Variants in HDAC8 observed in about 807,000 individuals in gnomAD.
HDAC8 encodes histone deacetylase-like 1.
In HDAC8, 1 loss-of-function variant was observed where a neutral mutation model predicts 32.2. The ratio of observed to expected loss-of-function variants is 0.03; its 90% CI spans 0.01 to 0.15. The LOEUF (loss-of-function observed/expected upper bound fraction) is 0.15, where lower values mean the gene tolerates loss of function less well. HDAC8 is among the 10% of genes least tolerant of loss of function. HDAC8 has a pLI of 1.00. For missense variants in HDAC8, 117 were observed against 300.0 expected, an observed-to-expected ratio of 0.39 and a Z score of 4.51; for synonymous variants, 108 against 113.9, an observed-to-expected ratio of 0.95 and a Z score of 0.33.
chrX:72,382,949 C>A (rs920567239), intron 9 of HDAC8, among the ~76,000 whole-genome samples: 13 of 111,928 alleles, frequency 1.2e-4, no homozygotes, highest in African/African-American at 4.2e-4. Flanking sequence ...TTTTCCCTCT[C>A]CCCCTAAAAA....
intron 9 of HDAC8, among the ~76,000 whole-genome samples, chrX:72,442,351 A>G (rs1273634630): frequency 4.5e-5 from 5 of 111,909 alleles, no homozygotes; most frequent in African/African-American, 1.6e-4. Context: ...CAGAAACTCT[A>G]CAAGCCAGAA....
chrX:72,392,267 ACC>A (rs2045631637), intron 9 of HDAC8, among the ~76,000 whole-genome samples: 2 of 111,493 alleles, frequency 1.8e-5, no homozygotes, highest in African/African-American at 6.5e-5. Flanking sequence ...TAAACCATCC[ACC>A]CCTGCCAGCT....
chrX:72,482,612 G>A (rs868991051), intron 7 of HDAC8, among the ~76,000 whole-genome samples: 2 of 109,400 alleles, frequency 1.8e-5, no homozygotes, highest in Non-Finnish European at 3.8e-5. Flanking sequence ...TGGGGGGGGG[G>A]ATTTTCTGCA....
At chrX:72,358,829 ATTAG>A (rs2044449982) in intron 9 of HDAC8, among the ~76,000 whole-genome samples, 1 of 111,755 alleles carries the variant, frequency 8.9e-6, no homozygotes, top group Non-Finnish European at 1.9e-5. Flanking sequence ...ATCATTAGGC[ATTAG>A]TTAGATTTTC....
In HDAC8 at chrX:72,329,665, A is replaced by T; in HGVS notation, c.*389T>A. The T allele has an allele frequency of 8.4e-7, 1 of 1,186,675 alleles. No individual in the cohort carries two copies. The highest frequency in any genetic ancestry group is 1.1e-6 in the Non-Finnish European group (1 of 882,522). ...TCCTGAGGCCCAAACCCTGCCTGTC[A>T]GCTGCCTCCTGCCCTACAAACTGGT... On this transcript the variant is annotated 3_prime_UTR_variant, in exon 11 of 11. Transcript: ENST00000373573.
chrX:72,407,685 G>A, intron 9 of HDAC8, among the ~76,000 whole-genome samples: 1 of 111,826 alleles, frequency 8.9e-6, no homozygotes, highest in Non-Finnish European at 1.9e-5. Flanking sequence ...CCTCTAAAAG[G>A]CAAGGAAATA....
chrX:72,333,191 C>T (rs782811248), intron 10 of HDAC8, among the ~76,000 whole-genome samples: 18 of 111,556 alleles, frequency 1.6e-4, no homozygotes, highest in East Asian at 1.1e-3. Context: ...TCTTAGTTCA[C>T]GCCTTCTCCA....
chrX:72,448,403 C>T (rs1309950428), intron 9 of HDAC8, among the ~76,000 whole-genome samples: 5 of 111,821 alleles, frequency 4.5e-5, no homozygotes, highest in African/African-American at 1.6e-4. Flanking sequence ...GAAACTGGAC[C>T]CCTTTGTTAC....
At chrX:72,449,265 T>A (rs2047507310) in intron 9 of HDAC8, among the ~76,000 whole-genome samples, 1 of 111,496 alleles carries the variant, frequency 9.0e-6, no homozygotes, top group East Asian at 2.8e-4. Context: ...AAGGATGAGT[T>A]CATGTCCTTT....
chrX:72,561,732 G>A (rs1380547997), intron 4 of HDAC8, among the ~76,000 whole-genome samples: 1 of 112,237 alleles, frequency 8.9e-6, no homozygotes, highest in Non-Finnish European at 1.9e-5. Context: ...GAAATAATCA[G>A]CAGAGTTAAC....
chrX:72,488,088 G>A lies in HDAC8; in HGVS notation c.737+845C>T, dbSNP rs187848107. Reference sequence around the variant, plus strand: ...CTAAGAAGCACTTTTGAAGCATAAAGTTTTTATTTTTTAATAGTTCTGCTT... The same window carrying A: ...CTAAGAAGCACTTTTGAAGCATAAAATTTTTATTTTTTAATAGTTCTGCTT... On this transcript the variant is annotated intron_variant, in intron 7 of 10. Coordinates refer to ENST00000373573, the MANE Select transcript of HDAC8 (RefSeq NM_018486.3). Among the ~76,000 whole-genome samples, 324 of 111,756 alleles carry A rather than the reference G, an allele frequency of 2.9e-3. 2 individuals are homozygous for A. The highest frequency in any genetic ancestry group is 3.9e-3 in the Non-Finnish European group (207 of 53,195).
At position 72,446,457 on chromosome X, in the gene HDAC8, T is replaced by C. The variant is rs782512892; in HGVS notation, c.1005+15547A>G. Among the ~76,000 whole-genome samples, 140 of 110,422 alleles carry C rather than the reference T, an allele frequency of 1.3e-3. 2 individuals carry two copies. The highest frequency in any genetic ancestry group is 4.2e-3 in the African/African-American group (126 of 30,356). On this transcript the variant is annotated intron_variant, in intron 9 of 10. Coordinates refer to ENST00000373573, the MANE Select transcript of HDAC8 (RefSeq NM_018486.3). ...AGGACAAAAAACCAAACACTGCATG[T>C]TCTCACTCATAGGTGGGAATTGAAC...
intron 9 of HDAC8, 38 bp downstream of exon 9, chrX:72,461,966 C>G (rs375511126): frequency 4.9e-6 from 5 of 1,027,305 alleles, no homozygotes; most frequent in Non-Finnish European, 6.9e-6. Context: ...TCAGCTCTTC[C>G]CCTTAAAGAA....
intron 7 of HDAC8, among the ~76,000 whole-genome samples, chrX:72,480,714 T>C (rs956344955): frequency 5.3e-5 from 6 of 112,214 alleles, no homozygotes; most frequent in Non-Finnish European, 9.4e-5. Flanking sequence ...CATGGAATAC[T>C]ATGCAGCCAT....
intron 9 of HDAC8, among the ~76,000 whole-genome samples, chrX:72,373,941 T>G (rs2044966638): frequency 8.9e-6 from 1 of 112,430 alleles, no homozygotes; most frequent in Admixed American, 9.4e-5. Context: ...ATTTCCCTAA[T>G]GACTAATGAT....
chrX:72,529,142 T>C (rs1482083604), intron 4 of HDAC8, among the ~76,000 whole-genome samples: 3 of 112,390 alleles, frequency 2.7e-5, no homozygotes, highest in Non-Finnish European at 5.6e-5. Flanking sequence ...CCTAGCACAG[T>C]GCCTGCTATG....
At chrX:72,568,672 A>G in intron 3 of HDAC8, 82 bp downstream of exon 3, 2 of 1,095,242 alleles carry the variant, frequency 1.8e-6, no homozygotes, top group South Asian at 1.9e-5. Context: ...TGATTTCTTA[A>G]CGAAAAATAT....
chrX:72,428,542 T>C (rs565812974), intron 9 of HDAC8, among the ~76,000 whole-genome samples: 2 of 112,376 alleles, frequency 1.8e-5, no homozygotes, highest in East Asian at 2.8e-4. Flanking sequence ...GGATGTATTC[T>C]AATTAATTGA....
At chrX:72,519,254 G>C (rs2049905256) in intron 4 of HDAC8, among the ~76,000 whole-genome samples, 2 of 112,134 alleles carry the variant, frequency 1.8e-5, no homozygotes, top group African/African-American at 6.5e-5. Flanking sequence ...ATAATGAATA[G>C]AGCTGCTATG....
Sources: allele counts gnomAD v4.1 joint callset (sites outside exome capture counted in the v4.1 genomes callset), GRCh38; gene constraint gnomAD v4.1.1; transcripts MANE v1.5; gene names NCBI Gene and HGNC (gene_info 2026-07-23, HGNC 2026-07-21).